Variants in ZNF75D observed in about 807,000 individuals in gnomAD.
ZNF75D encodes zinc finger protein 75.
A neutral mutation model predicts 33.3 loss-of-function variants in ZNF75D; 33 were observed. The ratio of observed to expected loss-of-function variants is 0.99; its 90% confidence interval spans 0.75 to 1.32. ZNF75D has a LOEUF of 1.32. Among genes scored for constraint, ZNF75D ranks in the 40% most tolerant of loss-of-function variants. ZNF75D has a pLI of 0.00. For missense variants in ZNF75D, 338 were observed against 367.5 expected (o/e 0.92, Z 0.66); for synonymous variants, 113 against 130.6 (o/e 0.87, Z 0.92).
In ZNF75D at chrX:135,342,949, A is replaced by T. The variant is rs990171479; in HGVS notation, c.-1572T>A. ...AGCCAGGAGTTGAAAGCCCCCTTTGATCTACCTCCAGAGCGGACACTATGA... is the reference window on the plus strand; with the variant it reads ...AGCCAGGAGTTGAAAGCCCCCTTTGTTCTACCTCCAGAGCGGACACTATGA... On this transcript the variant is annotated 5_prime_UTR_variant, in exon 1 of 7. Transcript: ENST00000370766. 2.7e-5 allele frequency: 3 copies of T among 111,571 alleles called. No homozygotes were observed. Among genetic ancestry groups the T allele is most frequent in the African/African-American group, 9.8e-5 (3 of 30,511 alleles). 9.2% of individuals were successfully genotyped at this position (111,571 alleles called of 1,213,427 possible).
At chrX:135,258,301 G>C (rs1180056676) in intron 1 of ZNF75D, among the ~76,000 whole-genome samples, 3 of 110,222 alleles carry the variant, frequency 2.7e-5, no homozygotes, top group Non-Finnish European at 3.8e-5. Context: ...AATCCTTTGG[G>C]TATATACCCA....
chrX:135,291,197 T>C, intron 5 of ZNF75D, 62 bp from the exon 6 acceptor site: 1 of 1,163,760 alleles, frequency 8.6e-7, no homozygotes, highest in African/African-American at 1.8e-5. Flanking sequence ...CTACCACCCA[T>C]TTCTGAATTA....
rs200168442 is a variant in ZNF75D, at chrX:135,291,008, C to T, written c.823+1G>A. 5 of 1,205,768 alleles carry T rather than the reference C, an allele frequency of 4.1e-6. No homozygotes were observed. The highest frequency in any genetic ancestry group is 5.6e-6 in the Non-Finnish European group (5 of 891,374). ...ACACAATGGGAAGGAAGAATCTTTACCTAGAGAGATGACAGTCTCATAGAT... is the reference window on the plus strand; with the variant it reads ...ACACAATGGGAAGGAAGAATCTTTATCTAGAGAGATGACAGTCTCATAGAT... On this transcript the variant is annotated splice_donor_variant, in intron 6 of 6. Transcript: ENST00000370766. LOFTEE classifies it high-confidence loss of function.
chrX:135,320,334 T>C (rs782370068), intron 1 of ZNF75D, among the ~76,000 whole-genome samples: 4 of 110,245 alleles, frequency 3.6e-5, no homozygotes, highest in African/African-American at 1.3e-4. Flanking sequence ...AAATAAAATA[T>C]ATGTTCCCAA....
At chrX:135,256,513 G>T (rs375375788) in intron 1 of ZNF75D, among the ~76,000 whole-genome samples, 1 of 112,080 alleles carries the variant, frequency 8.9e-6, no homozygotes, top group East Asian at 2.8e-4. Context: ...CCTCGCCACT[G>T]TGGGCAAAAG....
chrX:135,291,335 G>T, intron 5 of ZNF75D, 137 bp downstream of exon 5: 1 of 823,857 alleles, frequency 1.2e-6, no homozygotes, highest in Non-Finnish European at 1.7e-6. Flanking sequence ...ACTGTGCCAA[G>T]CCTAGTTGCC....
chrX:135,258,043 A>T (rs1428960656), intron 1 of ZNF75D, among the ~76,000 whole-genome samples: 1 of 108,689 alleles, frequency 9.2e-6, no homozygotes, highest in Non-Finnish European at 1.9e-5. Flanking sequence ...ATTACCACCT[A>T]TGAGTGAGAA....
chrX:135,341,337 C>T (rs782303981), intron 1 of ZNF75D, among the ~76,000 whole-genome samples: 1 of 111,911 alleles, frequency 8.9e-6, no homozygotes, highest in Non-Finnish European at 1.9e-5. Flanking sequence ...GAAAATGAAA[C>T]AATCAAACTT....
At chrX:135,260,644 C>T (rs1400623301) in intron 1 of ZNF75D, among the ~76,000 whole-genome samples, 1 of 111,398 alleles carries the variant, frequency 9.0e-6, no homozygotes, top group African/African-American at 3.3e-5. Context: ...GGTGATATCC[C>T]CTTTATCATT....
At chrX:135,311,522 T>G (rs1174960229) in intron 1 of ZNF75D, among the ~76,000 whole-genome samples, 1 of 112,594 alleles carries the variant, frequency 8.9e-6, no homozygotes, top group African/African-American at 3.2e-5. Flanking sequence ...ATCATTACAT[T>G]ATATGCTTAT....
At chrX:135,329,374 C>G (rs782411091) in intron 1 of ZNF75D, among the ~76,000 whole-genome samples, 2 of 111,292 alleles carry the variant, frequency 1.8e-5, no homozygotes, top group South Asian at 7.6e-4. Context: ...ACCGCTGCCT[C>G]TTAGGCTCAA....
At chrX:135,305,983 G>A (rs1602625972) in intron 1 of ZNF75D, among the ~76,000 whole-genome samples, 1 of 111,515 alleles carries the variant, frequency 9.0e-6, no homozygotes, top group South Asian at 3.8e-4. Flanking sequence ...TACGCTCCCT[G>A]TGGTATAGAG....
chrX:135,288,446 C>A (rs1556420374), intron 6 of ZNF75D, among the ~76,000 whole-genome samples: 1 of 112,392 alleles, frequency 8.9e-6, no homozygotes, highest in African/African-American at 3.2e-5. Context: ...CAGAAGGCTG[C>A]ATTTTTGAGC....
intron 1 of ZNF75D, among the ~76,000 whole-genome samples, chrX:135,256,669 G>A (rs1039489494): frequency 6.3e-5 from 7 of 111,418 alleles, no homozygotes; most frequent in East Asian, 2.8e-4. Flanking sequence ...CATGACTAGC[G>A]GAGCCCTTGT....
At chrX:135,315,773 G>A (rs1286871149) in intron 1 of ZNF75D, among the ~76,000 whole-genome samples, 1 of 109,689 alleles carries the variant, frequency 9.1e-6, no homozygotes, top group African/African-American at 3.3e-5. Context: ...GTTTCCATTA[G>A]TGTGGAATAT....
chrX:135,304,136 C>G (rs1029830245), intron 1 of ZNF75D, among the ~76,000 whole-genome samples: 1 of 112,043 alleles, frequency 8.9e-6, no homozygotes, highest in Non-Finnish European at 1.9e-5. Flanking sequence ...CATTACTAGA[C>G]TCCCAACATA....
intron 1 of ZNF75D, among the ~76,000 whole-genome samples, chrX:135,302,383 G>A (rs1377675179): frequency 1.8e-5 from 2 of 112,098 alleles, no homozygotes; most frequent in Non-Finnish European, 3.8e-5. Flanking sequence ...ATGGCTTGTG[G>A]AACAGGTGAG....
rs183458187 is a variant in ZNF75D, at chrX:135,265,175, C to T, written n.828-9398G>A. 3.5e-3 allele frequency among the ~76,000 whole-genome samples: 380 copies of T among 107,713 alleles called. 3 individuals are homozygous for T. The highest frequency in any genetic ancestry group is 0.012 in the African/African-American group (361 of 29,300). 93.5% of individuals were successfully genotyped at this position (107,713 alleles called of 115,157 possible). A position where few individuals can be genotyped will look rare whatever the true frequency, so the allele number is the denominator to read the frequency against. ...CAGAGGTTGCAGTGAGCTGAGTTCA[C>T]GCCATTACACTCTAGCCTGGGCAAC... On this transcript the variant is annotated intron_variant and non_coding_transcript_variant, in intron 1 of 3. Transcript: ENST00000494295.
At chrX:135,265,902 A>G (rs1380219397) in intron 1 of ZNF75D, among the ~76,000 whole-genome samples, 1 of 112,333 alleles carries the variant, frequency 8.9e-6, no homozygotes, top group African/African-American at 3.2e-5. Context: ...AATAACTGCA[A>G]CAACTTTTCA....
Sources: gnomAD v4.1 joint callset for allele counts (sites outside exome capture counted in the v4.1 genomes callset) on GRCh38, gnomAD v4.1.1 for gene constraint, MANE v1.5 for transcripts, NCBI Gene and HGNC (gene_info 2026-07-23, HGNC 2026-07-21) for gene names.